Variants in TIAM1 observed in about 807,000 individuals in gnomAD.
TIAM1 encodes the protein TIAM Rac1 associated GEF 1, also known as rho guanine nucleotide exchange factor TIAM1.
A neutral mutation model predicts 163.5 loss-of-function variants in TIAM1; 65 were observed. That is an observed-to-expected ratio of 0.40 (90% CI 0.33 to 0.49). The LOEUF (loss-of-function observed/expected upper bound fraction) is 0.49. Ranked by LOEUF, TIAM1 falls within the 20% of genes least tolerant of loss-of-function variation. TIAM1 has a pLI of 0.77. For missense variants in TIAM1, 1,789 were observed against 2,044.7 expected (o/e 0.87, Z 2.41); for synonymous variants, 833 against 810.1 (o/e 1.03, Z -0.48).
At chr21:31,185,543 T>TATATATTATATATTAATATA (rs1403875901) in intron 14 of TIAM1, among the ~76,000 whole-genome samples, 20 of 141,762 alleles carry the variant, frequency 1.4e-4, no homozygotes, top group Admixed American at 2.2e-4. Context: ...ATTATGCCAT[T>TATATATTATATATTAATATA]ATATATTATA....
intron 1 of TIAM1, among the ~76,000 whole-genome samples, chr21:31,545,734 C>A (rs188226469): frequency 6.6e-6 from 1 of 152,198 alleles, no homozygotes; most frequent in Non-Finnish European, 1.5e-5. Flanking sequence ...AATCACTGGG[C>A]TCCTCTGTGG....
rs528417994 is a variant in TIAM1, at chr21:31,370,518, C to T, written c.-368-31096G>A. Among the ~76,000 whole-genome samples the T allele has an allele frequency of 2.6e-5, 4 of 152,112 alleles. No homozygotes were observed. In the South Asian group the frequency reaches 8.3e-4, roughly 32 times the overall value. On this transcript the variant is annotated intron_variant, in intron 2 of 28. Transcript: ENST00000286827. Reference sequence around the variant, plus strand: ...CGCATGTGTGTGTAGTGACTGCAGGCCAAAGTAGATTGGCCACAGGTTGAT... The same window carrying T: ...CGCATGTGTGTGTAGTGACTGCAGGTCAAAGTAGATTGGCCACAGGTTGAT...
intron 2 of TIAM1, among the ~76,000 whole-genome samples, chr21:31,394,265 C>T (rs927738708): frequency 6.6e-6 from 1 of 152,186 alleles, no homozygotes; most frequent in African/African-American, 2.4e-5. Context: ...AAGCTACACA[C>T]TGTATGACTC....
chr21:31,364,051 C>T (rs1212028934), intron 2 of TIAM1, among the ~76,000 whole-genome samples: 1 of 152,228 alleles, frequency 6.6e-6, no homozygotes, highest in East Asian at 1.9e-4. Flanking sequence ...GCTGGTGTCA[C>T]TTGCATTGAA....
chr21:31,292,371 CTTT>C (rs763364996), intron 2 of TIAM1, among the ~76,000 whole-genome samples: 8 of 138,776 alleles, frequency 5.8e-5, no homozygotes, highest in Admixed American at 7.3e-5. Flanking sequence ...TTTCAATTTC[CTTT>C]TTTTTTTTTT....
chr21:31,249,030 G>A (rs1337843413), intron 5 of TIAM1, among the ~76,000 whole-genome samples: 1 of 152,200 alleles, frequency 6.6e-6, no homozygotes, highest in African/African-American at 2.4e-5. Context: ...CAAACTGAGA[G>A]TGAGAATCCC....
In TIAM1 at chr21:31,266,535, G is replaced by A; in HGVS notation, c.438C>T (p.Gly146=). Residue 146 remains glycine, a synonymous_variant, in exon 4 of 28, where the codon GGC becomes GGT. Transcript: ENST00000541036. ...TGGATGTATAGGAATGCTGCCTCCT[G>A]CCTCCCTCAGCCAAATATGTAGCGT... is the stretch of plus-strand genomic sequence containing the variant. ...GDDATYLAEG[G]RRQHSYTSNG... 1 of 1,614,158 alleles carries A rather than the reference G, an allele frequency of 6.2e-7. No individual in the cohort carries two copies. The highest frequency in any genetic ancestry group is 1.1e-5 in the South Asian group (1 of 91,090).
intron 2 of TIAM1, among the ~76,000 whole-genome samples, chr21:31,398,647 T>C (rs1481624112): frequency 1.3e-5 from 2 of 152,212 alleles, no homozygotes; most frequent in African/African-American, 4.8e-5. Flanking sequence ...GGAAAATTCT[T>C]TGTGCTCCCT....
intron 2 of TIAM1, among the ~76,000 whole-genome samples, chr21:31,370,850 T>C (rs764776337): frequency 3.3e-5 from 5 of 152,070 alleles, no homozygotes; most frequent in African/African-American, 9.7e-5. Flanking sequence ...CTTGAAAAAA[T>C]AGAAAGATCT....
chr21:31,301,080 T>A (rs755123351), intron 2 of TIAM1, among the ~76,000 whole-genome samples: 2 of 152,216 alleles, frequency 1.3e-5, no homozygotes, highest in Non-Finnish European at 2.9e-5. Context: ...AGTGAGATTA[T>A]AAGATGTGAT....
rs191279414 is a variant in TIAM1 at position 31,549,793 on chromosome 21, G to A, written c.-422+9134C>T. Among the ~76,000 whole-genome samples, 21 of 152,296 alleles carry A rather than the reference G, an allele frequency of 1.4e-4. No homozygotes were observed. In the East Asian group the frequency reaches 3.1e-3, roughly 22 times the overall value. On this transcript the variant is annotated intron_variant, in intron 1 of 28. Transcript: ENST00000286827. ...CGTTAAACATAGAATTACGTATGAC[G>A]TAGCAACTCCATTCTTAGGTTTACA...
chr21:31,217,813 C>T, intron 8 of TIAM1, 114 bp from the exon 9 acceptor site: 1 of 1,287,108 alleles, frequency 7.8e-7, no homozygotes, highest in Non-Finnish European at 1.1e-6. Context: ...TCATGCCAGC[C>T]AACCCTGACC....
At chr21:31,544,238 A>T (rs1361715691) in intron 1 of TIAM1, among the ~76,000 whole-genome samples, 3 of 151,656 alleles carry the variant, frequency 2.0e-5, no homozygotes, top group Non-Finnish European at 4.4e-5. Context: ...AAATAAAAAT[A>T]GGCCACTTGT....
chr21:31,132,923 A>C (rs1464403460), intron 23 of TIAM1, among the ~76,000 whole-genome samples: 2 of 152,246 alleles, frequency 1.3e-5, no homozygotes, highest in Non-Finnish European at 2.9e-5. Flanking sequence ...GGCAACAATC[A>C]CCAACATTTG....
intron 2 of TIAM1, among the ~76,000 whole-genome samples, chr21:31,447,908 G>T (rs1028084621): frequency 5.3e-5 from 8 of 152,182 alleles, no homozygotes; most frequent in African/African-American, 1.9e-4. Context: ...AACTAGGAGA[G>T]CAATGGTGGA....
intron 20 of TIAM1, among the ~76,000 whole-genome samples, chr21:31,142,407 C>G (rs1000388268): frequency 7.2e-6 from 1 of 139,280 alleles, no homozygotes; most frequent in African/African-American, 2.7e-5. Context: ...CACTTGAGGT[C>G]AGGAGTTTGA....
At chr21:31,189,857 A>G (rs2085470819) in intron 13 of TIAM1, among the ~76,000 whole-genome samples, 4 of 152,230 alleles carry the variant, frequency 2.6e-5, no homozygotes, top group Non-Finnish European at 4.4e-5. Context: ...GAACTGAATG[A>G]AGAACATAAT....
At chr21:31,124,441 C>A in intron 27 of TIAM1, 81 bp downstream of exon 27, 1 of 1,575,472 alleles carries the variant, frequency 6.3e-7, no homozygotes, top group Non-Finnish European at 8.6e-7. Context: ...CACCCCCACT[C>A]AACAAGGAGG....
chr21:31,218,547 C>T (rs1290020327), intron 8 of TIAM1, among the ~76,000 whole-genome samples: 9 of 149,630 alleles, frequency 6.0e-5, no homozygotes, highest in African/African-American at 1.8e-4. Context: ...CTAGCCTGGG[C>T]GACAGAACGA....
Sources: gnomAD v4.1 joint callset for allele counts (sites outside exome capture counted in the v4.1 genomes callset) on GRCh38, gnomAD v4.1.1 for gene constraint, MANE v1.5 for transcripts, NCBI Gene and HGNC (gene_info 2026-07-23, HGNC 2026-07-21) for gene names.